Variants in GART observed in about 807,000 individuals in gnomAD.
The protein encoded by GART is trifunctional purine biosynthetic protein adenosine-3.
GART carries 43 observed loss-of-function variants against 107.2 expected under a neutral mutation model. That is an observed-to-expected ratio of 0.40 (90% CI 0.31 to 0.52). The LOEUF is 0.52. GART is among the 20% of genes least tolerant of loss of function. The pLI is 0.52. For synonymous variants in GART, 434 were observed against 427.0 expected (o/e 1.02, Z -0.20); for missense variants, 1,107 against 1,206.5 (o/e 0.92, Z 1.22).
chr21:33,517,704 A>C, intron 14 of GART, 96 bp from the exon 15 acceptor site: 1 of 1,213,276 alleles, frequency 8.2e-7, no homozygotes, highest in Non-Finnish European at 1.2e-6. Context: ...CAACTAACAC[A>C]TGGCTATGTC....
Position 33,504,072 on chromosome 21 carries a change from C to A in GART, c.*52G>T. Reference sequence around the variant, plus strand: ...AAGTCCATGATAAAAAACCACCATGCAAACAGCAAATAATTCTTTCTAAAC... The same window carrying A: ...AAGTCCATGATAAAAAACCACCATGAAAACAGCAAATAATTCTTTCTAAAC... On this transcript the variant is annotated 3_prime_UTR_variant, in exon 22 of 22. Coordinates refer to ENST00000381815, the MANE Select transcript of GART (RefSeq NM_000819.5). 1 of 1,504,822 alleles carries A rather than the reference C, an allele frequency of 6.6e-7. No homozygotes were observed. Among genetic ancestry groups the A allele is most frequent in the Non-Finnish European group, 8.9e-7 (1 of 1,118,214 alleles). 93.2% of individuals were successfully genotyped at this position (1,504,822 alleles called of 1,614,324 possible).
chr21:33,541,232 C>A (rs1377662478), intron 1 of GART, among the ~76,000 whole-genome samples: 2 of 152,210 alleles, frequency 1.3e-5, no homozygotes, highest in African/African-American at 2.4e-5. Flanking sequence ...ACAACCTCCG[C>A]CTCCCGGGTT....
At chr21:33,521,592 A>T (rs1354323460) in intron 12 of GART, among the ~76,000 whole-genome samples, 1 of 148,140 alleles carries the variant, frequency 6.8e-6, no homozygotes, top group Non-Finnish European at 1.5e-5. Flanking sequence ...AAATGGCACC[A>T]CTGCACTCCA....
At position 33,538,758 on chromosome 21, in the gene GART, G is replaced by A. The variant is rs576104640; in HGVS notation, c.145+413C>T. Among the ~76,000 whole-genome samples the A allele has an allele frequency of 2.4e-4, 36 of 152,230 alleles. 1 individual carries two copies. In the South Asian group the frequency reaches 7.1e-3, roughly 30 times the overall value. On this transcript the variant is annotated intron_variant, in intron 2 of 21. Transcript: ENST00000381815. ...CAAATAAATTTTAAGGTCAAGGAAA[G>A]CACTCAACCCTGAATAGTAGTCTAT...
At chr21:33,530,478 G>A (rs1248866686) in intron 7 of GART, among the ~76,000 whole-genome samples, 1 of 152,282 alleles carries the variant, frequency 6.6e-6, no homozygotes, top group East Asian at 1.9e-4. Context: ...GACCACGACA[G>A]GCTCCCATGT....
chr21:33,528,985 T>C (rs1229189220), intron 7 of GART, 48 bp from the exon 8 acceptor site: 1 of 1,304,642 alleles, frequency 7.7e-7, no homozygotes, highest in Non-Finnish European at 1.1e-6. Context: ...ACTTAAAAAG[T>C]CTAAGTAGTA....
At chr21:33,539,103 G>C (rs2085358803) in intron 2 of GART, 68 bp downstream of exon 2, 2 of 1,452,188 alleles carry the variant, frequency 1.4e-6, no homozygotes, top group South Asian at 1.2e-5. Flanking sequence ...ATAAAGTACA[G>C]ATATGGTTGA....
intron 1 of GART, among the ~76,000 whole-genome samples, chr21:33,541,462 G>A (rs2085422348): frequency 2.0e-5 from 3 of 152,200 alleles, no homozygotes; most frequent in South Asian, 2.1e-4. Context: ...TAAATCTAGA[G>A]CAAATGTTAC....
intron 10 of GART, among the ~76,000 whole-genome samples, chr21:33,527,678 GAA>G (rs1367893715): frequency 6.6e-6 from 1 of 151,788 alleles, no homozygotes; most frequent in African/African-American, 2.4e-5. Context: ...AAGAGAGAGA[GAA>G]AAAAAAGAGA....
intron 16 of GART, among the ~76,000 whole-genome samples, chr21:33,513,691 A>T (rs1157654354): frequency 1.3e-5 from 2 of 152,232 alleles, no homozygotes; most frequent in Non-Finnish European, 2.9e-5. Flanking sequence ...TAGTAACTAC[A>T]TTGTTCACTA....
At chr21:33,520,873 A>T in intron 13 of GART, 33 bp downstream of exon 13, 1 of 1,445,750 alleles carries the variant, frequency 6.9e-7, no homozygotes. Context: ...CATCTTTCCT[A>T]AAAGGCCTTT....
chr21:33,505,634 C>G lies in GART; in HGVS notation c.2652G>C (p.Glu884Asp). The change falls in exon 20 of 22, where the codon GAG (glutamate) becomes GAC (aspartate). Residue 884 changes from glutamate (E) to aspartate (D), a missense_variant. Glu to Asp is a conservative substitution (Grantham distance 45, BLOSUM62 2). Transcript: ENST00000381815. The stretch of plus-strand genomic sequence containing the variant: ...CAAGACAGACTATGTCTATGGAGAA[C>G]TCTTCAAGGACTAGGTCAATTGCAC... The part of the protein sequence containing the change: ...FDSAIDLVLE[E>D]FSIDIVCLAG... 3 of 1,612,708 alleles carry G rather than the reference C, an allele frequency of 1.9e-6. No homozygotes were observed. The highest frequency in any genetic ancestry group is 2.5e-6 in the Non-Finnish European group (3 of 1,179,106).
Position 33,539,137 on chromosome 21 carries a change from A to G in GART, c.145+34T>C, listed in dbSNP as rs763738489. 1.6e-5 allele frequency: 26 copies of G among 1,587,316 alleles called. No individual in the cohort carries two copies. The Admixed American group carries it at 2.5e-4, about 15-fold the overall frequency. ...GACAGCATACCATTAATAACAAATA[A>G]TAACTATTACTCCCCACTTTAAAAC... On this transcript the variant is annotated intron_variant, in intron 2 of 21. Transcript: ENST00000381815.
chr21:33,526,244 C>T (rs1245205135), intron 10 of GART, among the ~76,000 whole-genome samples: 1 of 152,090 alleles, frequency 6.6e-6, no homozygotes, highest in Non-Finnish European at 1.5e-5. Context: ...GACCTCGGCT[C>T]ACTGCAACCT....
intron 14 of GART, chr21:33,519,089 C>T (rs750296817): frequency 2.4e-5 from 7 of 288,198 alleles, no homozygotes; most frequent in East Asian, 9.0e-5. Flanking sequence ...TCCATCATTA[C>T]GCAATTGTGC....
chr21:33,517,581 A>G lies in GART; in HGVS notation c.1730T>C (p.Met577Thr), dbSNP rs151206034. Residue 577 changes from methionine to threonine, a missense_variant, in exon 15 of 22, where the codon ATG becomes ACG. By Grantham distance (81) the Met-to-Thr change is moderately conservative. Transcript: ENST00000381815. ...LGGETAEMPD[M>T]YPPGEYDLAG... ...TAGGTCATACTCTCCAGGGGGATAC[A>G]TGTCAGGCATTTCTGCTGTTTCACC... 9.2e-4 allele frequency: 1,492 copies of G among 1,614,228 alleles called. 2 individuals are homozygous for G. Among genetic ancestry groups the G allele is most frequent in the Middle Eastern group, 3.5e-3 (21 of 6,062 alleles).
intron 18 of GART, among the ~76,000 whole-genome samples, chr21:33,508,362 A>G (rs1434669242): frequency 1.3e-5 from 2 of 151,978 alleles, no homozygotes; most frequent in African/African-American, 4.8e-5. Context: ...GGGGGTACAC[A>G]CGCTTGTTTA....
chr21:33,533,192 C>A (rs2085227343), intron 4 of GART, among the ~76,000 whole-genome samples: 2 of 152,070 alleles, frequency 1.3e-5, no homozygotes, highest in Non-Finnish European at 2.9e-5. Flanking sequence ...GTAATCCCAG[C>A]ACTTTGGGAG....
At chr21:33,511,147 T>C (rs963795947) in intron 17 of GART, 105 bp downstream of exon 17, 11 of 1,110,946 alleles carry the variant, frequency 9.9e-6, no homozygotes, top group Admixed American at 1.7e-5. Context: ...GCCATAGCGA[T>C]GGCTGCACTA....
Sources: allele counts gnomAD v4.1 joint callset (sites outside exome capture counted in the v4.1 genomes callset), GRCh38; gene constraint gnomAD v4.1.1; transcripts MANE v1.5; gene names NCBI Gene and HGNC (gene_info 2026-07-23, HGNC 2026-07-21).